SYTL5: variants seen among roughly 807,000 people sequenced by gnomAD.
SYTL5 encodes synaptotagmin like 5, also known as synaptotagmin-like protein 5.
A neutral mutation model predicts 55.9 loss-of-function variants in SYTL5; 34 were observed. That is an observed-to-expected ratio of 0.61 (90% CI 0.46 to 0.81). The LOEUF (loss-of-function observed/expected upper bound fraction) is 0.81. SYTL5 is among the 30% of genes least tolerant of loss of function. SYTL5 has a pLI of 0.00. For synonymous variants in SYTL5, 221 were observed against 188.7 expected, an observed-to-expected ratio of 1.17 and a Z score of -1.40; for missense variants, 637 against 546.7, an observed-to-expected ratio of 1.17 and a Z score of -1.65.
At chrX:37,982,548 A>G in the SYTL5 span, among the ~76,000 whole-genome samples, 1 of 112,332 alleles carries the variant, frequency 8.9e-6, no homozygotes, top group Admixed American at 9.4e-5. Flanking sequence ...GTGTACATGT[A>G]TTTTTTCCTA....
intron 12 of SYTL5, among the ~76,000 whole-genome samples, 170 bp from the exon 13 acceptor site, chrX:38,110,151 G>A (rs1937321264): frequency 9.0e-6 from 1 of 111,680 alleles, no homozygotes. Flanking sequence ...TTATGGCATA[G>A]AACTTCAATT....
At chrX:37,918,307 G>A in the SYTL5 span, among the ~76,000 whole-genome samples, 1 of 111,865 alleles carries the variant, frequency 8.9e-6, no homozygotes, top group Non-Finnish European at 1.9e-5. Context: ...GTCAACTTCA[G>A]GAAGATGACA....
At chrX:37,943,950 G>C in the SYTL5 span, among the ~76,000 whole-genome samples, 1 of 111,029 alleles carries the variant, frequency 9.0e-6, no homozygotes, top group African/African-American at 3.3e-5. Flanking sequence ...CTCTCCCATG[G>C]CCTCATCGGC....
At chrX:38,002,822 T>C (rs1325829503), upstream of SYTL5, among the ~76,000 whole-genome samples, 1 of 111,913 alleles carries the variant, frequency 8.9e-6, no homozygotes, top group East Asian at 2.8e-4. Flanking sequence ...AGGTTGCCTG[T>C]TCACTCTGAT....
upstream of SYTL5, among the ~76,000 whole-genome samples, chrX:38,005,078 A>G (rs760205508): frequency 1.3e-4 from 15 of 111,286 alleles, no homozygotes; most frequent in South Asian, 5.7e-3. Context: ...AAAATTACAA[A>G]TAAAAAATCC....
intron 2 of SYTL5, among the ~76,000 whole-genome samples, chrX:38,046,400 T>C (rs1478551405): frequency 9.0e-6 from 1 of 111,597 alleles, no homozygotes; most frequent in East Asian, 2.8e-4. Flanking sequence ...TCTCACATGG[T>C]GGCAGACAGG....
the SYTL5 span, among the ~76,000 whole-genome samples, chrX:37,915,320 G>T: frequency 1.8e-5 from 2 of 111,578 alleles, no homozygotes; most frequent in Non-Finnish European, 3.8e-5. Context: ...TGAATTTTGG[G>T]CCAGGATTTG....
the SYTL5 span, among the ~76,000 whole-genome samples, chrX:37,897,949 T>A: frequency 1.8e-5 from 2 of 111,181 alleles, no homozygotes; most frequent in Admixed American, 1.9e-4. Context: ...ATACAAAAAA[T>A]CAACTGTGTG....
At chrX:38,022,825 C>T (rs1934605056) in intron 1 of SYTL5, among the ~76,000 whole-genome samples, 1 of 111,616 alleles carries the variant, frequency 9.0e-6, no homozygotes, top group Admixed American at 9.6e-5. Context: ...TAAGTAGATC[C>T]CTGTGGATAC....
intron 13 of SYTL5, among the ~76,000 whole-genome samples, chrX:38,112,881 A>T (rs1295902628): frequency 8.9e-6 from 1 of 112,195 alleles, no homozygotes; most frequent in Admixed American, 9.5e-5. Flanking sequence ...TTTCTCATAG[A>T]TTATGCAGTC....
the SYTL5 span, among the ~76,000 whole-genome samples, chrX:37,941,204 A>G: frequency 6.3e-5 from 7 of 111,798 alleles, no homozygotes; most frequent in Non-Finnish European, 9.4e-5. Context: ...CCCTGCCAGA[A>G]AGTCATGCTT....
At chrX:37,941,937 A>G in the SYTL5 span, among the ~76,000 whole-genome samples, 1 of 112,094 alleles carries the variant, frequency 8.9e-6, no homozygotes, top group Non-Finnish European at 1.9e-5. Flanking sequence ...ATTTTATCTT[A>G]GCCATTCCCT....
At chrX:37,964,523 A>G in the SYTL5 span, among the ~76,000 whole-genome samples, 3 of 111,227 alleles carry the variant, frequency 2.7e-5, no homozygotes, top group Non-Finnish European at 5.7e-5. Context: ...TTTTGCATCT[A>G]TATTCTTCAG....
At chrX:38,072,412 C>T (rs1936291450) in intron 4 of SYTL5, among the ~76,000 whole-genome samples, 1 of 112,313 alleles carries the variant, frequency 8.9e-6, no homozygotes, top group Non-Finnish European at 1.9e-5. Context: ...CCATTTGTCT[C>T]CATCATAGAC....
chrX:38,090,870 T>C (rs1936784662), intron 7 of SYTL5, among the ~76,000 whole-genome samples: 1 of 112,196 alleles, frequency 8.9e-6, no homozygotes, highest in Non-Finnish European at 1.9e-5. Flanking sequence ...GAACAGCCAG[T>C]GTGGAGCCCC....
chrX:38,000,689 T>C, the SYTL5 span, among the ~76,000 whole-genome samples: 3 of 112,366 alleles, frequency 2.7e-5, no homozygotes, highest in Admixed American at 2.8e-4. Context: ...CAGGGTTTCT[T>C]GCCTTGGTGT....
rs775135006 is a variant in SYTL5, at chrX:38,033,933, A to G, written c.44A>G (p.Asp15Gly). 96 of 1,198,845 alleles carry G rather than the reference A, an allele frequency of 8.0e-5. No homozygotes were observed. The highest frequency in any genetic ancestry group is 2.4e-4 in the Middle Eastern group (1 of 4,124). Residue 15 changes from aspartate (D) to glycine (G), a missense_variant, in exon 2 of 17, where the codon GAT (aspartate) becomes GGT (glycine). Coordinates refer to ENST00000297875, the MANE Select transcript of SYTL5 (RefSeq NM_138780.3). ...TTCATCAATCTGTCATTTTTATTAG[A>G]TCATGAGAAGGAAATGATCCTGGGC... is the stretch of plus-strand genomic sequence containing the variant. ...SEFINLSFLL[D>G]HEKEMILGVL...
At chrX:38,099,503 T>C (rs1239432172) in intron 9 of SYTL5, among the ~76,000 whole-genome samples, 1 of 111,468 alleles carries the variant, frequency 9.0e-6, no homozygotes, top group Non-Finnish European at 1.9e-5. Flanking sequence ...GAGTGTTCTA[T>C]ATATAAAATC....
chrX:38,050,686 A>C (rs754392813), intron 2 of SYTL5, among the ~76,000 whole-genome samples: 13 of 111,917 alleles, frequency 1.2e-4, no homozygotes. Flanking sequence ...ATATAGGTTA[A>C]GTGATGCTGC....
Sources: gnomAD v4.1 joint callset for allele counts (sites outside exome capture counted in the v4.1 genomes callset) on GRCh38, gnomAD v4.1.1 for gene constraint, MANE v1.5 for transcripts, NCBI Gene and HGNC (gene_info 2026-07-23, HGNC 2026-07-21) for gene names.